Variants in GNB4 observed in about 807,000 individuals in gnomAD.
GNB4 encodes G protein subunit beta 4.
GNB4 carries 28 observed loss-of-function variants against 45.2 expected under a neutral mutation model. That is an observed-to-expected ratio of 0.62 (90% confidence interval 0.46 to 0.85). The LOEUF (loss-of-function observed/expected upper bound fraction) is 0.85, where lower values mean the gene tolerates loss of function less well. Ranked by LOEUF, GNB4 falls within the 40% of genes least tolerant of loss-of-function variation. The pLI, the probability that GNB4 is intolerant of heterozygous loss-of-function variation, is 0.00. For missense variants in GNB4, 321 were observed against 425.4 expected, an observed-to-expected ratio of 0.75 and a Z score of 2.16; for synonymous variants, 132 against 143.7, an observed-to-expected ratio of 0.92 and a Z score of 0.58.
chr3:179,429,166 C>G (rs756645610), intron 1 of GNB4, among the ~76,000 whole-genome samples: 9 of 152,176 alleles, frequency 5.9e-5, no homozygotes, highest in Non-Finnish European at 1.3e-4. Flanking sequence ...TTGCAACATG[C>G]AACCTCAAGG....
intron 1 of GNB4, among the ~76,000 whole-genome samples, chr3:179,436,553 TAAC>T (rs568848963): frequency 2.0e-5 from 3 of 152,228 alleles, no homozygotes; most frequent in Non-Finnish European, 4.4e-5. Context: ...CCATAATTTT[TAAC>T]AACCATAATG....
upstream of GNB4, among the ~76,000 whole-genome samples, chr3:179,454,830 C>CTGTTTTATTTAT (rs762922441): frequency 2.3e-3 from 345 of 152,264 alleles, no homozygotes; most frequent in Non-Finnish European, 4.0e-3. Flanking sequence ...GATTTTATTT[C>CTGTTTTATTTAT]ACCCACAACA....
chr3:179,466,280 G>A, the GNB4 span, among the ~76,000 whole-genome samples: 1 of 152,182 alleles, frequency 6.6e-6, no homozygotes, highest in East Asian at 1.9e-4. Context: ...CAAAATGCTA[G>A]GATTACAGGC....
chr3:179,483,083 G>A, the GNB4 span, among the ~76,000 whole-genome samples: 4 of 152,000 alleles, frequency 2.6e-5, no homozygotes, highest in South Asian at 4.1e-4. Context: ...TCTGCCTTCC[G>A]GACAACAATG....
intron 1 of GNB4, among the ~76,000 whole-genome samples, chr3:179,443,951 G>A (rs1715656147): frequency 6.6e-6 from 1 of 152,064 alleles, no homozygotes; most frequent in Non-Finnish European, 1.5e-5. Context: ...GTCCCATTTA[G>A]TTTTGTTCTA....
intron 2 of GNB4, among the ~76,000 whole-genome samples, chr3:179,423,499 CT>C (rs1264011792): frequency 1.3e-5 from 2 of 152,082 alleles, no homozygotes; most frequent in Non-Finnish European, 2.9e-5. Context: ...AGTTAAGAAA[CT>C]TGACTGGGCG....
upstream of GNB4, among the ~76,000 whole-genome samples, chr3:179,451,852 A>G (rs575013212): frequency 1.1e-4 from 17 of 152,278 alleles, no homozygotes; most frequent in African/African-American, 4.1e-4. Flanking sequence ...GGGCAGAGCT[A>G]GAAGACCCCA....
the GNB4 span, among the ~76,000 whole-genome samples, chr3:179,481,169 A>G: frequency 2.0e-5 from 3 of 152,082 alleles, no homozygotes; most frequent in Non-Finnish European, 2.9e-5. Flanking sequence ...ATTTCAAACT[A>G]AAGTTGTAGA....
At chr3:179,407,819 T>C (rs1035409806) in intron 8 of GNB4, among the ~76,000 whole-genome samples, 3 of 152,132 alleles carry the variant, frequency 2.0e-5, no homozygotes, top group South Asian at 2.1e-4. Flanking sequence ...GGTGTGTACA[T>C]AGGACAAAAA....
intron 2 of GNB4, among the ~76,000 whole-genome samples, chr3:179,424,540 T>G (rs1396978312): frequency 1.3e-5 from 2 of 152,240 alleles, no homozygotes; most frequent in African/African-American, 4.8e-5. Flanking sequence ...AACACTTTTC[T>G]GGTGAATGTT....
the GNB4 span, among the ~76,000 whole-genome samples, chr3:179,519,686 C>T: frequency 4.6e-5 from 7 of 152,166 alleles, no homozygotes; most frequent in African/African-American, 1.2e-4. Flanking sequence ...CACCTCGTTG[C>T]TGCCTTTTCT....
the GNB4 span, among the ~76,000 whole-genome samples, chr3:179,513,963 G>A: frequency 3.9e-5 from 6 of 152,254 alleles, no homozygotes; most frequent in South Asian, 2.1e-4. Context: ...GCAGGCAATC[G>A]ACATTTCATT....
chr3:179,519,663 T>C, the GNB4 span, among the ~76,000 whole-genome samples: 1 of 152,168 alleles, frequency 6.6e-6, no homozygotes, highest in Non-Finnish European at 1.5e-5. Context: ...TAACTATTCC[T>C]AGGCTACAGC....
upstream of GNB4, among the ~76,000 whole-genome samples, chr3:179,455,245 A>G (rs1322280942): frequency 1.3e-5 from 2 of 152,228 alleles, no homozygotes; most frequent in African/African-American, 4.8e-5. Context: ...ATGCAGGCAT[A>G]TATCTGCTGC....
chr3:179,452,680 G>A (rs1715914569), upstream of GNB4, among the ~76,000 whole-genome samples: 1 of 152,152 alleles, frequency 6.6e-6, no homozygotes, highest in Non-Finnish European at 1.5e-5. Context: ...AAAAATAGAA[G>A]CAGCTGTTTC....
At chr3:179,521,623 C>G in the GNB4 span, among the ~76,000 whole-genome samples, 10 of 152,346 alleles carry the variant, frequency 6.6e-5, no homozygotes, top group Non-Finnish European at 1.0e-4. Context: ...CAAGCCATCA[C>G]AGCTGATATC....
At chr3:179,511,366 C>T in the GNB4 span, among the ~76,000 whole-genome samples, 6 of 152,198 alleles carry the variant, frequency 3.9e-5, no homozygotes, top group Admixed American at 1.3e-4. Context: ...CACTCAGTAA[C>T]AACTGTATAA....
At position 179,415,007 on chromosome 3, in the gene GNB4, C is replaced by T; in HGVS notation, c.308G>A (p.Cys103Tyr). The part of the protein sequence containing the change: ...IPLRSSWVMT[C>Y]AYAPSGNYVA... ...ATAATTACCAGAGGGAGCATAAGCA[C>T]AGGTCATCACCCAGGAGGACCTCAA... The change falls in exon 6 of 10, where the codon TGT (cysteine) becomes TAT (tyrosine). Residue 103 changes from cysteine to tyrosine, a missense_variant. Coordinates refer to ENST00000232564, the MANE Select transcript of GNB4 (RefSeq NM_021629.4). 6.2e-7 allele frequency: 1 copy of T among 1,610,008 alleles called. No homozygotes were observed. The highest frequency in any genetic ancestry group is 8.5e-7 in the Non-Finnish European group (1 of 1,177,274).
At chr3:179,465,234 G>A in the GNB4 span, 4 of 1,442,086 alleles carry the variant, frequency 2.8e-6, no homozygotes, top group African/African-American at 5.6e-5. Flanking sequence ...GATTTTGAAG[G>A]AGTCAGACAA....
Sources: allele counts gnomAD v4.1 joint callset (sites outside exome capture counted in the v4.1 genomes callset), GRCh38; gene constraint gnomAD v4.1.1; transcripts MANE v1.5; gene names NCBI Gene and HGNC (gene_info 2026-07-23, HGNC 2026-07-21).